NSMCE4A: variants seen among roughly 807,000 people sequenced by gnomAD.
The protein encoded by NSMCE4A is NSE4A component of SMC5/6 complex, also known as non-structural maintenance of chromosomes element 4 homolog A.
In NSMCE4A, 40 loss-of-function variants were observed where a neutral mutation model predicts 47.9. That is an observed-to-expected ratio of 0.83 (90% confidence interval 0.65 to 1.09). The LOEUF (loss-of-function observed/expected upper bound fraction) is 1.09. Among genes scored for constraint, NSMCE4A ranks in the 50% least tolerant of loss-of-function variants. NSMCE4A has a pLI of 0.00. For synonymous variants in NSMCE4A, 166 were observed against 178.5 expected (o/e 0.93, Z 0.56); for missense variants, 500 against 507.0 (o/e 0.99, Z 0.13).
intron 6 of NSMCE4A, among the ~76,000 whole-genome samples, chr10:121,962,886 G>A (rs1259749959): frequency 6.6e-6 from 1 of 152,048 alleles, no homozygotes; most frequent in Non-Finnish European, 1.5e-5. Context: ...GAGCCACCAC[G>A]CCCGGCCAAA....
At chr10:121,972,037 C>T (rs899313788) in intron 2 of NSMCE4A, among the ~76,000 whole-genome samples, 6 of 152,190 alleles carry the variant, frequency 3.9e-5, no homozygotes, top group Admixed American at 3.9e-4. Context: ...AATGCAGAAA[C>T]AGGCTGGGCA....
chr10:121,961,791 G>A (rs1952503524), intron 6 of NSMCE4A: 1 of 334,626 alleles, frequency 3.0e-6, no homozygotes, highest in African/African-American at 2.2e-5. Flanking sequence ...ATTTATACAA[G>A]AGTAAAATGC....
rs1251433956 is a variant in NSMCE4A, at chr10:121,974,017, A to G, written c.357T>C (p.Thr119=). Residue 119 remains threonine, a synonymous_variant, in exon 2 of 11, where the codon ACT becomes ACC. Coordinates refer to ENST00000369023, the MANE Select transcript of NSMCE4A (RefSeq NM_017615.3). ...KLTEVLEEAN[T]LFNEVSRARE... ...ATAACAAATTACCTTCATTAAACAG[A>G]GTGTTAGCCTCTTCAAGGACCTCTG... 6.9e-6 allele frequency: 11 copies of G among 1,596,696 alleles called. No individual in the cohort carries two copies. The highest frequency in any genetic ancestry group is 2.7e-5 in the African/African-American group (2 of 74,534).
intron 3 of NSMCE4A, among the ~76,000 whole-genome samples, chr10:121,970,623 C>A (rs1317349147): frequency 6.6e-6 from 1 of 152,094 alleles, no homozygotes; most frequent in Non-Finnish European, 1.5e-5. Context: ...TTTTGTCCAG[C>A]CCAGGACAAA....
intron 2 of NSMCE4A, among the ~76,000 whole-genome samples, chr10:121,971,462 G>C (rs1392795325): frequency 6.6e-6 from 1 of 152,036 alleles, no homozygotes; most frequent in East Asian, 1.9e-4. Flanking sequence ...AGCCAAGATC[G>C]CGCCACTGCA....
intron 4 of NSMCE4A, among the ~76,000 whole-genome samples, chr10:121,965,609 CCT>C (rs1952592514): frequency 6.6e-6 from 1 of 152,206 alleles, no homozygotes; most frequent in African/African-American, 2.4e-5. Flanking sequence ...ACCACAGATA[CCT>C]CCTCAGACAC....
chr10:121,964,415 G>T (rs1410728624), intron 5 of NSMCE4A, among the ~76,000 whole-genome samples: 1 of 150,262 alleles, frequency 6.7e-6, no homozygotes, highest in African/African-American at 2.5e-5. Flanking sequence ...CAAAGTGCTG[G>T]GATTACAGGC....
At chr10:121,974,716 A>C in intron 1 of NSMCE4A, 158 bp downstream of exon 1, 1 of 1,132,356 alleles carries the variant, frequency 8.8e-7, no homozygotes, top group Non-Finnish European at 1.1e-6. Context: ...TTTGTCAACA[A>C]TTTAAGGTGC....
Position 121,975,076 on chromosome 10 carries a change from CGAGCGGGAGCGG to C in NSMCE4A, c.78_89del (p.Arg29_Ser32del), listed in dbSNP as rs573706496. ...GGGACCTGGGCGACAAAGGGGACCG[CGAGCGGGAGCGG>C]GAGCGGGTGCGATCCCGATGCGGGT... is the stretch of plus-strand genomic sequence containing the variant. On this transcript the variant is annotated inframe_deletion, in exon 1 of 11. Coordinates refer to ENST00000369023, the MANE Select transcript of NSMCE4A (RefSeq NM_017615.3). 1.1e-5 allele frequency: 16 copies of C among 1,445,874 alleles called. No individual in the cohort carries two copies. In the South Asian group the frequency reaches 1.8e-4, roughly 16 times the overall value. The allele number at this position is 1,445,874 out of a possible 1,614,324, so 89.6% of individuals were successfully genotyped here.
Position 121,975,180 on chromosome 10 carries a change from G to A in NSMCE4A, c.-15C>T, listed in dbSNP as rs1952795233. 3 of 1,361,324 alleles carry A rather than the reference G, an allele frequency of 2.2e-6. No homozygotes were observed. Among genetic ancestry groups the A allele is most frequent in the African/African-American group, 1.5e-5 (1 of 64,938 alleles). 84.3% of individuals were successfully genotyped at this position (1,361,324 alleles called of 1,614,324 possible). Reference sequence around the variant, plus strand: ...TCCCCAGACATAGCGCCAATTCACCGTGCAACTTCGGAACGGCGGAAGTTC... The same window carrying A: ...TCCCCAGACATAGCGCCAATTCACCATGCAACTTCGGAACGGCGGAAGTTC... On this transcript the variant is annotated 5_prime_UTR_variant, in exon 1 of 11. In the 5' UTR this introduces an upstream ATG that the reference lacks. Coordinates refer to ENST00000369023, the MANE Select transcript of NSMCE4A (RefSeq NM_017615.3).
At chr10:121,965,128 A>G (rs1952582009) in intron 5 of NSMCE4A, among the ~76,000 whole-genome samples, 158 bp downstream of exon 5, 1 of 152,224 alleles carries the variant, frequency 6.6e-6, no homozygotes, top group African/African-American at 2.4e-5. Context: ...AGCCAATCCA[A>G]TAAAATGCTT....
At chr10:121,970,674 A>C (rs1399136615) in intron 3 of NSMCE4A, among the ~76,000 whole-genome samples, 1 of 152,154 alleles carries the variant, frequency 6.6e-6, no homozygotes, top group Non-Finnish European at 1.5e-5. Flanking sequence ...ACCAGTGAAC[A>C]GAGGAAAAAT....
chr10:121,968,124 T>C (rs1406690097), intron 3 of NSMCE4A, among the ~76,000 whole-genome samples: 1 of 152,176 alleles, frequency 6.6e-6, no homozygotes, highest in African/African-American at 2.4e-5. Context: ...CTGGAGACAT[T>C]TGTGGGTGTC....
At chr10:121,970,861 A>G in intron 3 of NSMCE4A, 78 bp downstream of exon 3, 5 of 1,241,732 alleles carry the variant, frequency 4.0e-6, no homozygotes, top group Non-Finnish European at 5.5e-6. Flanking sequence ...AATCATCTGC[A>G]TATGGATATG....
chr10:121,961,951 A>G, intron 6 of NSMCE4A: 2 of 241,024 alleles, frequency 8.3e-6, no homozygotes, highest in South Asian at 8.2e-5. Context: ...AAAAATACAG[A>G]AAAAAAATTA....
chr10:121,959,769 G>C, intron 8 of NSMCE4A, 174 bp from the exon 9 acceptor site: 1 of 598,490 alleles, frequency 1.7e-6, no homozygotes, highest in Non-Finnish European at 3.0e-6. Context: ...TATTACAGTA[G>C]CCAGTCATTC....
intron 5 of NSMCE4A, among the ~76,000 whole-genome samples, chr10:121,964,754 A>C (rs1196816063): frequency 6.6e-6 from 1 of 152,246 alleles, no homozygotes; most frequent in East Asian, 1.9e-4. Context: ...TAACATTTTC[A>C]TATCAATTTC....
chr10:121,968,319 T>C (rs902871520), intron 3 of NSMCE4A, among the ~76,000 whole-genome samples: 8 of 152,212 alleles, frequency 5.3e-5, no homozygotes, highest in Non-Finnish European at 1.0e-4. Flanking sequence ...ATGCCAGAAC[T>C]CAGCCCCCTG....
intron 7 of NSMCE4A, among the ~76,000 whole-genome samples, chr10:121,961,069 T>G (rs974622428): frequency 6.6e-6 from 1 of 152,206 alleles, no homozygotes; most frequent in African/African-American, 2.4e-5. Context: ...GCGGCCTGCT[T>G]CTTTTCCCTA....
Sources: allele counts gnomAD v4.1 joint callset (sites outside exome capture counted in the v4.1 genomes callset), GRCh38; gene constraint gnomAD v4.1.1; transcripts MANE v1.5; gene names NCBI Gene and HGNC (gene_info 2026-07-23, HGNC 2026-07-21).